MAPK10: variants seen among roughly 807,000 people sequenced by gnomAD.
MAPK10 encodes mitogen-activated protein kinase 10, also known as JNK3 alpha protein kinase.
MAPK10 carries 25 observed loss-of-function variants against 59.3 expected under a neutral mutation model. The observed-to-expected ratio is 0.42, with a 90% confidence interval of 0.31 to 0.59. The LOEUF is 0.59. Among genes scored for constraint, MAPK10 ranks in the 20% least tolerant of loss-of-function variants. The pLI is 0.15. For missense variants in MAPK10, 351 were observed against 568.9 expected, an observed-to-expected ratio of 0.62 and a Z score of 3.90; for synonymous variants, 190 against 200.5, an observed-to-expected ratio of 0.95 and a Z score of 0.44.
chr4:86,513,497 T>C (rs1756435828), intron 1 of MAPK10, among the ~76,000 whole-genome samples: 1 of 152,218 alleles, frequency 6.6e-6, no homozygotes, highest in South Asian at 2.1e-4. Context: ...GAGATGTCTG[T>C]AGCTATTGCT....
rs113516455 is a variant in MAPK10, at chr4:86,387,191, C to T, written c.-121-32547G>A. Among the ~76,000 whole-genome samples, 1,519 of 152,238 alleles carry T rather than the reference C, an allele frequency of 1.0e-2. 19 individuals are homozygous for T. Among genetic ancestry groups the T allele is most frequent in the African/African-American group, 0.035 (1,441 of 41,538 alleles). On this transcript the variant is annotated intron_variant, in intron 1 of 13. Transcript: ENST00000361569. ...CCGGAGGGGCACAGGGAGCTGGTCACGTTACGGCTGGTTGTTTGGGGAAGT... is the reference window on the plus strand; with the variant it reads ...CCGGAGGGGCACAGGGAGCTGGTCATGTTACGGCTGGTTGTTTGGGGAAGT...
chr4:86,280,662 A>G (rs557100266), intron 2 of MAPK10, among the ~76,000 whole-genome samples: 6 of 152,278 alleles, frequency 3.9e-5, no homozygotes, highest in East Asian at 1.9e-4. Context: ...TTGCAGTAAT[A>G]TTCACAATAG....
intron 2 of MAPK10, among the ~76,000 whole-genome samples, chr4:86,206,689 A>G (rs1385014450): frequency 1.3e-5 from 2 of 152,142 alleles, no homozygotes; most frequent in East Asian, 1.9e-4. Context: ...CTATTTCTCT[A>G]CATCCTCTCC....
At chr4:86,547,444 A>G (rs1386117700) in intron 1 of MAPK10, among the ~76,000 whole-genome samples, 2 of 152,202 alleles carry the variant, frequency 1.3e-5, no homozygotes, top group African/African-American at 4.8e-5. Context: ...CACCTGGGCC[A>G]GCAACTGCTG....
rs151293222 is a variant in MAPK10, at chr4:86,302,088, C to T, written c.-7+52442G>A. ...TTCTGCTGGCATACATGTGCACAATCTTTTGAATTTACATGATGGTGATAA... is the reference window on the plus strand; with the variant it reads ...TTCTGCTGGCATACATGTGCACAATTTTTTGAATTTACATGATGGTGATAA... On this transcript the variant is annotated intron_variant, in intron 2 of 13. Coordinates refer to ENST00000641462, the MANE Select transcript of MAPK10 (RefSeq NM_138982.4). Among the ~76,000 whole-genome samples, 573 of 152,042 alleles carry T rather than the reference C, an allele frequency of 3.8e-3. 5 individuals are homozygous for T. Among genetic ancestry groups the T allele is most frequent in the African/African-American group, 0.013 (544 of 41,482 alleles).
intron 4 of MAPK10, 83 bp downstream of exon 4, chr4:86,159,215 G>T (rs1362783482): frequency 1.9e-6 from 2 of 1,072,704 alleles, no homozygotes; most frequent in South Asian, 4.9e-5. Context: ...TTATTTTGGG[G>T]ATTTTGTTTG....
At chr4:86,194,233 G>T in intron 3 of MAPK10, 103 bp downstream of exon 3, 1 of 880,128 alleles carries the variant, frequency 1.1e-6, no homozygotes, top group South Asian at 1.5e-5. Context: ...CTGTTAATAT[G>T]ATATAAATAC....
chr4:86,100,917 A>G, intron 8 of MAPK10, 135 bp downstream of exon 8: 1 of 699,308 alleles, frequency 1.4e-6, no homozygotes, highest in South Asian at 2.5e-5. Context: ...AGTATTAAAA[A>G]AAACCCTGAA....
chr4:86,525,995 A>ATC (rs79365553), intron 1 of MAPK10, among the ~76,000 whole-genome samples: 34,355 of 151,984 alleles, frequency 0.23, 4,598 homozygotes, highest in Admixed American at 0.3. Context: ...GGATTTTTGC[A>ATC]TCTCTCTTCA....
chr4:86,205,490 G>A (rs1183507245), intron 2 of MAPK10, among the ~76,000 whole-genome samples: 1 of 151,826 alleles, frequency 6.6e-6, no homozygotes, highest in South Asian at 2.1e-4. Flanking sequence ...ATTTGTTGAG[G>A]TTCATAAACT....
At chr4:86,423,562 A>G (rs1746808179) in intron 1 of MAPK10, among the ~76,000 whole-genome samples, 1 of 152,018 alleles carries the variant, frequency 6.6e-6, no homozygotes, top group Non-Finnish European at 1.5e-5. Context: ...TACAGAAGAA[A>G]GTGTAGACAG....
At chr4:86,075,882 C>G (rs193151420) in intron 9 of MAPK10, among the ~76,000 whole-genome samples, 1 of 152,152 alleles carries the variant, frequency 6.6e-6, no homozygotes, top group Non-Finnish European at 1.5e-5. Flanking sequence ...GTGGGGCCTA[C>G]AGTGGCAGGC....
At position 86,579,267 on chromosome 4, in the gene MAPK10, A is replaced by G. The variant is rs151247014; in HGVS notation, c.-263+14643T>C. Among the ~76,000 whole-genome samples, 989 of 152,172 alleles carry G rather than the reference A, an allele frequency of 6.5e-3. 12 individuals carry two copies. Among genetic ancestry groups the G allele is most frequent in the African/African-American group, 0.023 (950 of 41,522 alleles). Reference sequence around the variant, plus strand: ...TTCCTATCTCTGTTTCCTTACCCACATCTCCATTTTCCTTTCTCAGGTGTT... The same window carrying G: ...TTCCTATCTCTGTTTCCTTACCCACGTCTCCATTTTCCTTTCTCAGGTGTT... On this transcript the variant is annotated intron_variant, in intron 1 of 4. Coordinates refer to the MAPK10 transcript ENST00000502302.
intron 2 of MAPK10, among the ~76,000 whole-genome samples, chr4:86,221,589 C>G (rs1368124744): frequency 6.6e-6 from 1 of 151,994 alleles, no homozygotes; most frequent in African/African-American, 2.4e-5. Context: ...CAGACTCAAG[C>G]GATTCTCCCA....
rs1039171853 is a variant in MAPK10, at chr4:86,231,524, A to G, written c.-6-37117T>C. ...AAAAAAATACGAAAATTAGCCGGGCATGGTGGCGGGCACCTGTAGTCCCAG... is the reference window on the plus strand; with the variant it reads ...AAAAAAATACGAAAATTAGCCGGGCGTGGTGGCGGGCACCTGTAGTCCCAG... On this transcript the variant is annotated intron_variant, in intron 2 of 13. Coordinates refer to ENST00000641462, the MANE Select transcript of MAPK10 (RefSeq NM_138982.4). 3.9e-5 allele frequency among the ~76,000 whole-genome samples: 6 copies of G among 151,988 alleles called. No individual in the cohort carries two copies. The South Asian group carries it at 6.3e-4, about 16-fold the overall frequency.
intron 2 of MAPK10, among the ~76,000 whole-genome samples, chr4:86,199,317 A>T (rs895539309): frequency 5.3e-5 from 8 of 152,244 alleles, no homozygotes; most frequent in Admixed American, 1.3e-4. Flanking sequence ...ACAATGAATA[A>T]ATAAATTGTG....
chr4:86,576,918 C>T (rs1394449970), intron 1 of MAPK10, among the ~76,000 whole-genome samples: 1 of 152,168 alleles, frequency 6.6e-6, no homozygotes, highest in East Asian at 1.9e-4. Flanking sequence ...GAATGACAGA[C>T]TTTTCAGCTG....
At chr4:86,136,276 A>T (rs1180426443) in intron 4 of MAPK10, among the ~76,000 whole-genome samples, 1 of 152,172 alleles carries the variant, frequency 6.6e-6, no homozygotes, top group Non-Finnish European at 1.5e-5. Flanking sequence ...TGTTAAGGGC[A>T]GCCAGAGAGA....
At chr4:86,150,295 G>A (rs956064287) in intron 4 of MAPK10, among the ~76,000 whole-genome samples, 1 of 152,108 alleles carries the variant, frequency 6.6e-6, no homozygotes, top group Non-Finnish European at 1.5e-5. Context: ...CAGAGACTCA[G>A]GAGAAAAAGG....
Sources: allele counts gnomAD v4.1 joint callset (sites outside exome capture counted in the v4.1 genomes callset), GRCh38; gene constraint gnomAD v4.1.1; transcripts MANE v1.5; gene names NCBI Gene and HGNC (gene_info 2026-07-23, HGNC 2026-07-21).